GLI3: variants seen among roughly 807,000 people sequenced by gnomAD.
GLI3 encodes the protein GLI family zinc finger 3.
A neutral mutation model predicts 100.8 loss-of-function variants in GLI3; 20 were observed. The ratio of observed to expected loss-of-function variants is 0.20; its 90% confidence interval spans 0.14 to 0.29. GLI3 has a LOEUF of 0.29. GLI3 is among the 10% of genes least tolerant of loss of function. GLI3 has a pLI of 1.00. For missense variants in GLI3, 2,040 were observed against 2,128.5 expected, an observed-to-expected ratio of 0.96 and a Z score of 0.82; for synonymous variants, 938 against 860.5, an observed-to-expected ratio of 1.09 and a Z score of -1.58.
chr7:42,235,471 T>G (rs1270821153), intron 1 of GLI3, among the ~76,000 whole-genome samples: 1 of 152,150 alleles, frequency 6.6e-6, no homozygotes, highest in Admixed American at 6.5e-5. Context: ...GCTGAAACTC[T>G]TTTATTTTTA....
Position 41,964,789 on chromosome 7 carries a change from C to A in GLI3, c.4284G>T (p.Gln1428His), listed in dbSNP as rs767497727. ...VNGIKMEMKG[Q>H]PHPLCSNLQN... ...GCAGATTAGAGCACAGCGGATGGGGCTGCCCTTTCATCTCCATCTTGATAC... is the reference window on the plus strand; with the variant it reads ...GCAGATTAGAGCACAGCGGATGGGGATGCCCTTTCATCTCCATCTTGATAC... The change falls in exon 15 of 15, where the codon CAG (glutamine) becomes CAT (histidine). Residue 1428 changes from glutamine to histidine, a missense_variant. Transcript: ENST00000395925. The A allele has an allele frequency of 3.1e-6, 5 of 1,613,724 alleles. No individual in the cohort carries two copies. In the Admixed American group the frequency reaches 5.0e-5, roughly 16 times the overall value.
intron 2 of GLI3, among the ~76,000 whole-genome samples, chr7:42,177,413 A>G (rs1276848897): frequency 2.0e-5 from 3 of 152,160 alleles, no homozygotes. Context: ...AAGGTCATAT[A>G]AGGGCGGAAA....
At chr7:42,179,566 G>T (rs929532745) in intron 2 of GLI3, among the ~76,000 whole-genome samples, 19 of 152,180 alleles carry the variant, frequency 1.2e-4, no homozygotes, top group Non-Finnish European at 2.4e-4. Context: ...GAGGGCTGTT[G>T]GTGCAATCCA....
chr7:42,128,817 C>T (rs912676587), intron 3 of GLI3, among the ~76,000 whole-genome samples: 3 of 152,100 alleles, frequency 2.0e-5, no homozygotes, highest in Non-Finnish European at 4.4e-5. Context: ...CCCTTAATTC[C>T]TGTTATCACC....
At chr7:42,125,454 G>A (rs887921391) in intron 3 of GLI3, among the ~76,000 whole-genome samples, 19 of 152,268 alleles carry the variant, frequency 1.2e-4, no homozygotes, top group East Asian at 1.9e-4. Flanking sequence ...AGGCTTCCAC[G>A]GCAATCCCTT....
intron 3 of GLI3, chr7:42,145,497 A>G (rs1163631551): frequency 5.0e-6 from 2 of 398,380 alleles, no homozygotes; most frequent in Non-Finnish European, 8.8e-6. Flanking sequence ...TTATGTTCAG[A>G]AGGCCACAGT....
chr7:42,096,792 G>A (rs1343706235), intron 3 of GLI3, among the ~76,000 whole-genome samples: 1 of 152,158 alleles, frequency 6.6e-6, no homozygotes, highest in Non-Finnish European at 1.5e-5. Flanking sequence ...CCAGACTCCA[G>A]CCACAGAGCT....
chr7:42,031,324 T>C (rs1156232999), intron 7 of GLI3, among the ~76,000 whole-genome samples: 2 of 152,252 alleles, frequency 1.3e-5, no homozygotes, highest in African/African-American at 4.8e-5. Context: ...TAACTGTTAA[T>C]CTATATTTAG....
rs867197495 is a variant in GLI3 at position 42,223,243 on chromosome 7, T to C, written c.11A>G (p.Gln4Arg). MEA[Q>R]SHSSTTTEKK... ...TTCAGTGGTCGTGGAGCTGTGGGAC[T>C]GGGCCTCCATGATGTCTTCTCATTA... Residue 4 changes from glutamine to arginine, a missense_variant, in exon 2 of 15, where the codon CAG becomes CGG. Around this residue, in one of 5 missense-constraint regions of GLI3, gnomAD observed 603 missense variants for 690.9 expected, o/e 0.87. Transcript: ENST00000395925. 3 of 1,613,152 alleles carry C rather than the reference T, an allele frequency of 1.9e-6. No homozygotes were observed. The African/African-American group carries it at 4.0e-5, about 22-fold the overall frequency.
chr7:42,240,194 GATTGACTT>G, upstream of GLI3, among the ~76,000 whole-genome samples: 1 of 152,280 alleles, frequency 6.6e-6, no homozygotes, highest in South Asian at 2.1e-4. Flanking sequence ...TTCTATCATA[GATTGACTT>G]ATTGCCATCT....
intron 2 of GLI3, among the ~76,000 whole-genome samples, chr7:42,209,103 G>A (rs890314249): frequency 1.4e-4 from 22 of 152,030 alleles, no homozygotes; most frequent in African/African-American, 5.1e-4. Context: ...TGCCCACACT[G>A]GAGTGCAATG....
At chr7:42,230,926 C>T (rs2128705547) in intron 1 of GLI3, among the ~76,000 whole-genome samples, 1 of 152,316 alleles carries the variant, frequency 6.6e-6, no homozygotes, top group Non-Finnish European at 1.5e-5. Flanking sequence ...ATCAGCTAAG[C>T]TCATGAAAAC....
chr7:42,119,076 GAC>G (rs1471266561), intron 3 of GLI3, among the ~76,000 whole-genome samples: 2 of 152,164 alleles, frequency 1.3e-5, no homozygotes, highest in Non-Finnish European at 2.9e-5. Context: ...ACCTACAAGT[GAC>G]AAGGCTCAGC....
chr7:42,009,587 A>G (rs1788556837), intron 10 of GLI3, among the ~76,000 whole-genome samples: 1 of 147,028 alleles, frequency 6.8e-6, no homozygotes, highest in Non-Finnish European at 1.5e-5. Flanking sequence ...CTGGCCTCTG[A>G]CTCCCTTACC....
chr7:42,204,824 ATGCACGACTTCCCCGAGACTCTCCT>A (rs1274096361), intron 2 of GLI3, among the ~76,000 whole-genome samples: 1 of 152,196 alleles, frequency 6.6e-6, no homozygotes, highest in Non-Finnish European at 1.5e-5. Context: ...GTTCTATTGT[ATGCACGACTTCCCCGAGACTCTCCT>A]TCGGGAAAGG....
intron 2 of GLI3, among the ~76,000 whole-genome samples, chr7:42,216,640 T>C (rs1054610152): frequency 6.6e-6 from 1 of 152,076 alleles, no homozygotes; most frequent in African/African-American, 2.4e-5. Context: ...CTAAAACCTC[T>C]CTAAAACATG....
At chr7:42,144,699 C>T (rs1413191207) in intron 3 of GLI3, among the ~76,000 whole-genome samples, 1 of 151,984 alleles carries the variant, frequency 6.6e-6, no homozygotes, top group Non-Finnish European at 1.5e-5. Context: ...AATGGTTTTC[C>T]CTTTTCCGGT....
At chr7:42,172,685 G>C in intron 2 of GLI3, 1 of 699,812 alleles carries the variant, frequency 1.4e-6, no homozygotes, top group Non-Finnish European at 2.6e-6. Context: ...CCAAATGGTT[G>C]CCTGGGAGAA....
At chr7:42,179,870 A>G (rs1583625825) in intron 2 of GLI3, among the ~76,000 whole-genome samples, 1 of 152,196 alleles carries the variant, frequency 6.6e-6, no homozygotes, top group East Asian at 1.9e-4. Context: ...AGAGTAGCTC[A>G]TTTCGCCAAT....
Sources: gnomAD v4.1 joint callset for allele counts (sites outside exome capture counted in the v4.1 genomes callset) on GRCh38, gnomAD v4.1.1 for gene constraint, gnomAD v4.1.1 regional missense constraint, MANE v1.5 for transcripts, NCBI Gene and HGNC (gene_info 2026-07-23, HGNC 2026-07-21) for gene names.